The following LDLRAD4 variants were observed in gnomAD, a reference collection of about 807,000 sequenced individuals.
LDLRAD4 encodes the protein low density lipoprotein receptor class A domain containing 4.
Under a neutral mutation model 17.0 loss-of-function variants are expected in LDLRAD4, and 5 were observed. The ratio of observed to expected loss-of-function variants is 0.29; its 90% confidence interval spans 0.15 to 0.62. LDLRAD4 has a LOEUF of 0.62. Among genes scored for constraint, LDLRAD4 ranks in the 20% least tolerant of loss-of-function variants. The pLI is 0.84. For missense variants in LDLRAD4, 340 were observed against 424.7 expected (o/e 0.80, Z 1.75); for synonymous variants, 168 against 171.8 (o/e 0.98, Z 0.17).
chr18:13,287,082 A>G (rs1432689591), intron 1 of LDLRAD4, among the ~76,000 whole-genome samples: 1 of 152,192 alleles, frequency 6.6e-6, no homozygotes, highest in Non-Finnish European at 1.5e-5. Flanking sequence ...TTGGCTAGAA[A>G]GCAGTCAGGC....
intron 3 of LDLRAD4, among the ~76,000 whole-genome samples, chr18:13,580,300 C>CACCCCACCTTGGCTTGTG (rs2094838772): frequency 6.6e-6 from 1 of 152,218 alleles, no homozygotes; most frequent in Non-Finnish European, 1.5e-5. Flanking sequence ...CAGCTGTGGT[C>CACCCCACCTTGGCTTGTG]ACCCCACCTT....
intron 3 of LDLRAD4, chr18:13,614,732 C>T (rs2039917134): frequency 6.6e-6 from 1 of 152,182 alleles, no homozygotes; most frequent in Non-Finnish European, 1.5e-5. Flanking sequence ...CCTGCCCCCA[C>T]CCGTCTTCCT....
intron 3 of LDLRAD4, among the ~76,000 whole-genome samples, chr18:13,514,227 C>G (rs982971787): frequency 3.9e-5 from 6 of 152,190 alleles, no homozygotes; most frequent in African/African-American, 1.2e-4. Flanking sequence ...CTGACTCTCT[C>G]TGTGAACTGT....
At chr18:13,526,678 T>C (rs1032274741) in intron 3 of LDLRAD4, 11 of 152,246 alleles carry the variant, frequency 7.2e-5, no homozygotes, top group African/African-American at 2.7e-4. Flanking sequence ...TACTCTATAA[T>C]GTAGAAAGCA....
chr18:13,477,604 T>A (rs187669671), intron 3 of LDLRAD4, among the ~76,000 whole-genome samples: 201 of 152,282 alleles, frequency 1.3e-3, no homozygotes, highest in Non-Finnish European at 2.9e-4. Context: ...GGTCATGGGA[T>A]TATGGAAAGG....
intron 1 of LDLRAD4, among the ~76,000 whole-genome samples, chr18:13,260,171 T>C (rs1033212160): frequency 2.0e-5 from 3 of 152,222 alleles, no homozygotes; most frequent in African/African-American, 7.2e-5. Flanking sequence ...CACTGTAACT[T>C]CTATTGGAGG....
chr18:13,224,681 C>T (rs1009253206), intron 1 of LDLRAD4, among the ~76,000 whole-genome samples: 14 of 151,510 alleles, frequency 9.2e-5, no homozygotes, highest in East Asian at 7.8e-4. Flanking sequence ...GGGGTTTCAG[C>T]GTGTTAGCCA....
intron 4 of LDLRAD4, among the ~76,000 whole-genome samples, chr18:13,625,584 T>C (rs556682562): frequency 4.6e-5 from 7 of 152,260 alleles, no homozygotes; most frequent in Admixed American, 4.6e-4. Context: ...CCCCGCTGCC[T>C]TCTCTGGCCC....
chr18:13,611,645 C>A (rs2039568298), intron 3 of LDLRAD4: 6 of 985,146 alleles, frequency 6.1e-6, no homozygotes, highest in African/African-American at 1.7e-5. Flanking sequence ...AATTTCTGAT[C>A]CTTATAAACT....
At chr18:13,349,039 C>T (rs112523377) in intron 1 of LDLRAD4, among the ~76,000 whole-genome samples, 5 of 152,216 alleles carry the variant, frequency 3.3e-5, no homozygotes, top group Non-Finnish European at 4.4e-5. Context: ...GGCGATGCCT[C>T]GCCCTGCTTT....
chr18:13,311,514 G>T (rs1567993656), intron 1 of LDLRAD4, among the ~76,000 whole-genome samples: 1 of 152,218 alleles, frequency 6.6e-6, no homozygotes, highest in Non-Finnish European at 1.5e-5. Context: ...CTGAGGATGA[G>T]TGTCATCCTC....
chr18:13,540,565 T>C (rs1001652995), intron 3 of LDLRAD4, among the ~76,000 whole-genome samples: 4 of 152,236 alleles, frequency 2.6e-5, no homozygotes, highest in Admixed American at 6.5e-5. Flanking sequence ...TTGTTAAATA[T>C]ATTTACAGCC....
chr18:13,529,288 G>A (rs767602110), intron 3 of LDLRAD4, among the ~76,000 whole-genome samples: 1 of 152,220 alleles, frequency 6.6e-6, no homozygotes, highest in Non-Finnish European at 1.5e-5. Flanking sequence ...GGAGATTCAG[G>A]TTCTCTCTTT....
chr18:13,257,391 C>T (rs371421200), intron 1 of LDLRAD4, among the ~76,000 whole-genome samples: 2 of 152,216 alleles, frequency 1.3e-5, no homozygotes, highest in African/African-American at 4.8e-5. Context: ...TCCTTTCGTT[C>T]TGTAATGATG....
intron 1 of LDLRAD4, among the ~76,000 whole-genome samples, chr18:13,371,655 C>G (rs946244535): frequency 6.6e-6 from 1 of 151,986 alleles, no homozygotes; most frequent in East Asian, 1.9e-4. Flanking sequence ...ATCCCAGTGA[C>G]TTGGGAGGCT....
chr18:13,288,543 C>T (rs897146894), intron 1 of LDLRAD4, among the ~76,000 whole-genome samples: 13 of 152,148 alleles, frequency 8.5e-5, no homozygotes, highest in African/African-American at 1.4e-4. Context: ...AAGGTGTTAG[C>T]GCAATATAGT....
intron 2 of LDLRAD4, among the ~76,000 whole-genome samples, chr18:13,414,000 A>G (rs1037965954): frequency 1.3e-5 from 2 of 152,202 alleles, no homozygotes; most frequent in Non-Finnish European, 2.9e-5. Context: ...GTTTGTGATC[A>G]TTAAATAAGT....
At chr18:13,638,908 G>T (rs1329387090) in intron 4 of LDLRAD4, among the ~76,000 whole-genome samples, 1 of 152,140 alleles carries the variant, frequency 6.6e-6, no homozygotes. Flanking sequence ...CAATGGAAGA[G>T]GACTGAGACC....
intron 1 of LDLRAD4, among the ~76,000 whole-genome samples, chr18:13,282,132 A>C (rs927943929): frequency 6.6e-6 from 1 of 152,176 alleles, no homozygotes; most frequent in Non-Finnish European, 1.5e-5. Flanking sequence ...CCATGATTCA[A>C]CTACCTTCCC....
Sources: gnomAD v4.1 joint callset for allele counts (sites outside exome capture counted in the v4.1 genomes callset) on GRCh38, gnomAD v4.1.1 for gene constraint, MANE v1.5 for transcripts, NCBI Gene and HGNC (gene_info 2026-07-23, HGNC 2026-07-21) for gene names.